Variants in FKBP5 observed in about 807,000 individuals in gnomAD.
FKBP5 encodes FKBP prolyl isomerase 5.
In FKBP5, 23 loss-of-function variants were observed where a neutral mutation model predicts 50.5. That is an observed-to-expected ratio of 0.46 (90% CI 0.33 to 0.65). The LOEUF (loss-of-function observed/expected upper bound fraction) is 0.65. FKBP5 is among the 30% of genes least tolerant of loss of function. The pLI, the probability that FKBP5 is intolerant of heterozygous loss-of-function variation, is 0.02. For missense variants in FKBP5, 411 were observed against 553.1 expected (o/e 0.74, Z 2.58); for synonymous variants, 176 against 190.6 (o/e 0.92, Z 0.63).
intron 9 of FKBP5, among the ~76,000 whole-genome samples, chr6:35,577,521 AAG>A (rs1220590602): frequency 1.3e-5 from 2 of 152,228 alleles, no homozygotes; most frequent in East Asian, 3.8e-4. Context: ...TTTGGGAAAA[AAG>A]AAAAAAATAA....
At chr6:35,636,417 A>C (rs550736206) in intron 3 of FKBP5, among the ~76,000 whole-genome samples, 2 of 152,240 alleles carry the variant, frequency 1.3e-5, no homozygotes, top group Non-Finnish European at 1.5e-5. Context: ...TTTCAAGTAA[A>C]AATGGTATCT....
chr6:35,715,574 A>G (rs1337898648), intron 2 of FKBP5, among the ~76,000 whole-genome samples: 1 of 152,250 alleles, frequency 6.6e-6, no homozygotes, highest in Non-Finnish European at 1.5e-5. Context: ...AAGGGCATCC[A>G]GGCAGCAGGA....
chr6:35,714,596 C>A (rs1766480411), intron 2 of FKBP5, among the ~76,000 whole-genome samples: 1 of 151,902 alleles, frequency 6.6e-6, no homozygotes, highest in Non-Finnish European at 1.5e-5. Flanking sequence ...GTGGGCAGAT[C>A]ACCTGAGGTC....
At chr6:35,724,154 C>G (rs573006238) in intron 1 of FKBP5, among the ~76,000 whole-genome samples, 1 of 152,152 alleles carries the variant, frequency 6.6e-6, no homozygotes, top group Non-Finnish European at 1.5e-5. Flanking sequence ...TAAGAGAGGC[C>G]GTGTCACTGT....
intron 2 of FKBP5, among the ~76,000 whole-genome samples, chr6:35,704,183 TC>T (rs1766239311): frequency 6.6e-6 from 1 of 152,126 alleles, no homozygotes. Context: ...GAAATTTCTC[TC>T]CCCTCCACAC....
At chr6:35,683,403 T>TG (rs1257134339) in intron 1 of FKBP5, among the ~76,000 whole-genome samples, 6 of 151,830 alleles carry the variant, frequency 4.0e-5, no homozygotes, top group African/African-American at 1.5e-4. Context: ...CCTCCTGCCT[T>TG]GGCTTCCCAA....
In FKBP5 at chr6:35,716,230, G is replaced by A. The variant is rs895607928; in HGVS notation, c.-20+4098C>T. Among the ~76,000 whole-genome samples, 7 of 152,174 alleles carry A rather than the reference G, an allele frequency of 4.6e-5. No individual in the cohort carries two copies. The South Asian group carries it at 1.2e-3, about 27-fold the overall frequency. On this transcript the variant is annotated intron_variant, in intron 2 of 11. Transcript: ENST00000536438. ...CTAAAAACATTTCTAAAAATTAGCCGGGTATGGTGGCACACACCCATAGTC... is the reference window on the plus strand; with the variant it reads ...CTAAAAACATTTCTAAAAATTAGCCAGGTATGGTGGCACACACCCATAGTC...
chr6:35,654,364 C>A (rs1764891932), intron 1 of FKBP5, among the ~76,000 whole-genome samples: 1 of 152,152 alleles, frequency 6.6e-6, no homozygotes, highest in Non-Finnish European at 1.5e-5. Flanking sequence ...TACTTGACAA[C>A]CTGCAGTACT....
At chr6:35,719,632 T>C (rs1364955665) in intron 2 of FKBP5, among the ~76,000 whole-genome samples, 1 of 152,122 alleles carries the variant, frequency 6.6e-6, no homozygotes, top group Non-Finnish European at 1.5e-5. Context: ...AGCCTGGCTA[T>C]AACCAAGCAG....
intron 2 of FKBP5, among the ~76,000 whole-genome samples, chr6:35,716,934 G>A (rs1394832293): frequency 2.0e-5 from 3 of 152,214 alleles, no homozygotes; most frequent in Admixed American, 2.0e-4. Context: ...CTGCAGCAAT[G>A]GGAAGAATGG....
At chr6:35,575,973 A>G (rs766901140) in intron 10 of FKBP5, 31 bp from the exon 11 acceptor site, 1 of 1,448,328 alleles carries the variant, frequency 6.9e-7, no homozygotes, top group Non-Finnish European at 9.7e-7. Flanking sequence ...CAAGAAGGTT[A>G]GAGAATAAAG....
chr6:35,708,364 C>T (rs751044814), intron 2 of FKBP5, among the ~76,000 whole-genome samples: 18 of 152,148 alleles, frequency 1.2e-4, no homozygotes, highest in Non-Finnish European at 1.9e-4. Flanking sequence ...AAGAGATTCT[C>T]CTGCCTCAGC....
chr6:35,673,101 G>A (rs1026545073), intron 1 of FKBP5, among the ~76,000 whole-genome samples: 1 of 152,136 alleles, frequency 6.6e-6, no homozygotes, highest in Non-Finnish European at 1.5e-5. Context: ...CCTGTAAAAA[G>A]GGAAGAGAAT....
chr6:35,700,300 A>G (rs763652172), intron 2 of FKBP5, among the ~76,000 whole-genome samples: 13 of 152,020 alleles, frequency 8.6e-5, no homozygotes, highest in Non-Finnish European at 1.5e-4. Flanking sequence ...AGCTGGGACT[A>G]CAAGCATGTG....
chr6:35,582,591 A>T, intron 8 of FKBP5: 2 of 874,276 alleles, frequency 2.3e-6, no homozygotes, highest in Non-Finnish European at 2.7e-6. Context: ...TAACACCTTG[A>T]TCTGGGACTT....
At chr6:35,705,234 ATATATATATATATATATATATATATTTT>A (rs1284816175) in intron 2 of FKBP5, among the ~76,000 whole-genome samples, 2 of 4,898 alleles carry the variant, frequency 4.1e-4, no homozygotes, top group East Asian at 3.0e-3. Flanking sequence ...ATATATATAT[ATATATATATATATATATATATATATTTT>A]TTTTTTTTTT....
chr6:35,655,753 C>T (rs947853280), intron 1 of FKBP5, among the ~76,000 whole-genome samples: 35 of 152,164 alleles, frequency 2.3e-4, no homozygotes, highest in Admixed American at 7.2e-4. Context: ...TCTGAAAAAT[C>T]TAATCTGGAA....
intron 1 of FKBP5, among the ~76,000 whole-genome samples, chr6:35,682,476 T>C (rs902340825): frequency 6.6e-6 from 1 of 152,156 alleles, no homozygotes; most frequent in African/African-American, 2.4e-5. Flanking sequence ...TGAGAACAAG[T>C]ACAAATCTAA....
At chr6:35,609,757 T>C (rs1763434504) in intron 5 of FKBP5, among the ~76,000 whole-genome samples, 1 of 152,200 alleles carries the variant, frequency 6.6e-6, no homozygotes, top group Admixed American at 6.5e-5. Context: ...TCCATTTTGC[T>C]CTTCAACCCT....
Sources: allele counts gnomAD v4.1 joint callset (sites outside exome capture counted in the v4.1 genomes callset), GRCh38; gene constraint gnomAD v4.1.1; transcripts MANE v1.5; gene names NCBI Gene and HGNC (gene_info 2026-07-23, HGNC 2026-07-21).